PLS3: variants seen among roughly 807,000 people sequenced by gnomAD.
The protein encoded by PLS3 is plastin 3.
PLS3 carries 11 observed loss-of-function variants against 46.5 expected under a neutral mutation model. The observed-to-expected ratio is 0.24, with a 90% CI of 0.15 to 0.39. The LOEUF is 0.39. PLS3 is among the 10% of genes least tolerant of loss of function. The probability of loss-of-function intolerance (pLI) is 1.00; values close to 1 mark genes in which losing one functional copy is unlikely to be tolerated. For missense variants in PLS3, 308 were observed against 461.8 expected (o/e 0.67, Z 3.05); for synonymous variants, 167 against 162.2 (o/e 1.03, Z -0.22).
At chrX:115,630,112 C>G (rs2074749615) in intron 5 of PLS3, 145 bp downstream of exon 5, 1 of 421,807 alleles carries the variant, frequency 2.4e-6, no homozygotes, top group African/African-American at 2.5e-5. Flanking sequence ...TTCATTTAAT[C>G]TCTAGGTCTG....
intron 1 of PLS3, among the ~76,000 whole-genome samples, chrX:115,585,613 A>G (rs991548139): frequency 9.0e-6 from 1 of 110,626 alleles, no homozygotes; most frequent in African/African-American, 3.3e-5. Context: ...GCTGATCTCA[A>G]ACTCCTGACC....
intron 1 of PLS3, among the ~76,000 whole-genome samples, chrX:115,601,101 C>G (rs1425724069): frequency 1.8e-5 from 2 of 110,165 alleles, no homozygotes; most frequent in African/African-American, 6.6e-5. Context: ...AAGATACTTC[C>G]TGAAATAGGC....
chrX:115,609,703 A>T (rs913021414), intron 1 of PLS3, among the ~76,000 whole-genome samples: 6 of 112,568 alleles, frequency 5.3e-5, no homozygotes, highest in African/African-American at 1.9e-4. Flanking sequence ...CATGCATAAG[A>T]ATGTGTATAT....
At chrX:115,629,085 T>C (rs1556638851) in intron 3 of PLS3, 113 bp from the exon 4 acceptor site, 8 of 529,051 alleles carry the variant, frequency 1.5e-5, no homozygotes, top group Admixed American at 8.5e-5. Context: ...TTGTATCTTT[T>C]AACATCAGCT....
intron 2 of PLS3, among the ~76,000 whole-genome samples, chrX:115,619,631 A>G (rs781991811): frequency 1.9e-4 from 21 of 113,041 alleles, no homozygotes; most frequent in Non-Finnish European, 3.4e-4. Context: ...TCCTAGGGAA[A>G]TTAAGTGCTT....
chrX:115,625,430 A>C (rs781903438), intron 3 of PLS3, among the ~76,000 whole-genome samples: 1 of 110,586 alleles, frequency 9.0e-6, no homozygotes, highest in East Asian at 2.8e-4. Context: ...AAGCACTTCA[A>C]AACTAAAAAT....
At chrX:115,615,011 C>T (rs1336337463) in intron 2 of PLS3, among the ~76,000 whole-genome samples, 4 of 110,956 alleles carry the variant, frequency 3.6e-5, no homozygotes, top group Non-Finnish European at 5.7e-5. Context: ...CAGATTTAGA[C>T]AGATTCAAGG....
rs377191528 is a variant in PLS3 at position 115,647,636 on chromosome X, G to A, written c.1598G>A (p.Ser533Asn). 3.3e-6 allele frequency: 4 copies of A among 1,204,702 alleles called. No individual in the cohort carries two copies. The highest frequency in any genetic ancestry group is 3.4e-6 in the Non-Finnish European group (3 of 890,621). The change falls in exon 14 of 16, where the codon AGT (serine) becomes AAT (asparagine). Residue 533 changes from serine to asparagine, a missense_variant. Physicochemically the swap from Ser to Asn is conservative, Grantham distance 46. This residue lies in a region of PLS3 where 271 missense variants were observed against 435.7 expected (regional missense o/e 0.62). Transcript: ENST00000355899. ...GTGAACTGGGTGAACAGAACGTTGA[G>A]TGAAGCTGGAAAATCAACTTCCATT... ...IIVNWVNRTL[S>N]EAGKSTSIQS...
At chrX:115,613,669 G>A (rs1180054001) in intron 2 of PLS3, among the ~76,000 whole-genome samples, 2 of 111,209 alleles carry the variant, frequency 1.8e-5, no homozygotes, top group African/African-American at 6.5e-5. Context: ...ACACATGTGT[G>A]GGTGCATGGG....
chrX:115,620,572 A>G (rs1242975016), intron 2 of PLS3, among the ~76,000 whole-genome samples: 2 of 110,524 alleles, frequency 1.8e-5, no homozygotes, highest in Non-Finnish European at 3.8e-5. Context: ...TATCCATTGT[A>G]AGATATTTAG....
chrX:115,630,003 A>G, intron 5 of PLS3, 36 bp downstream of exon 5: 2 of 1,040,031 alleles, frequency 1.9e-6, no homozygotes, highest in East Asian at 6.4e-5. Flanking sequence ...CAGATATCCA[A>G]AAATAGCCTT....
chrX:115,573,787 T>A (rs979257977), intron 1 of PLS3, among the ~76,000 whole-genome samples: 1 of 110,912 alleles, frequency 9.0e-6, no homozygotes, highest in Non-Finnish European at 1.9e-5. Flanking sequence ...CACTGCAACC[T>A]CCGCGTCCCA....
intron 1 of PLS3, among the ~76,000 whole-genome samples, chrX:115,605,219 G>T (rs781891765): frequency 8.9e-6 from 1 of 111,934 alleles, no homozygotes; most frequent in South Asian, 3.7e-4. Flanking sequence ...TTAAGGATAT[G>T]TGCATGTTCC....
chrX:115,629,976 T>A lies in PLS3; in HGVS notation c.500+9T>A, dbSNP rs375226680. 1.2e-5 allele frequency: 14 copies of A among 1,137,848 alleles called. No individual in the cohort carries two copies. In the African/African-American group the frequency reaches 2.4e-4, roughly 19 times the overall value. 93.8% of individuals were successfully genotyped at this position (1,137,848 alleles called of 1,213,427 possible). ...GATGGAATTGTGCTTTGGTAAGATGTTAGCTTGTTTTATATCCAGATATCC... is the reference window on the plus strand; with the variant it reads ...GATGGAATTGTGCTTTGGTAAGATGATAGCTTGTTTTATATCCAGATATCC... On this transcript the variant is annotated intron_variant, in intron 5 of 15. Transcript: ENST00000355899.
chrX:115,630,866 CATGT>C (rs1569528509), intron 5 of PLS3, among the ~76,000 whole-genome samples: 12 of 89,488 alleles, frequency 1.3e-4, no homozygotes, highest in African/African-American at 5.1e-4. Context: ...GTATATTATA[CATGT>C]ATATATGTAT....
At chrX:115,587,519 A>G (rs1856548096) in intron 1 of PLS3, among the ~76,000 whole-genome samples, 1 of 111,676 alleles carries the variant, frequency 9.0e-6, no homozygotes, top group African/African-American at 3.3e-5. Flanking sequence ...GCAGATCACG[A>G]GGTCAGGAGA....
intron 2 of PLS3, among the ~76,000 whole-genome samples, chrX:115,611,859 G>C (rs782277936): frequency 8.9e-6 from 1 of 111,855 alleles, no homozygotes; most frequent in South Asian, 3.7e-4. Flanking sequence ...GAGTTAAATT[G>C]TATTAAGTAA....
chrX:115,598,235 G>A (rs2074408042), intron 1 of PLS3, among the ~76,000 whole-genome samples: 1 of 107,973 alleles, frequency 9.3e-6, no homozygotes, highest in Admixed American at 1.0e-4. Flanking sequence ...AGGAGTTGGA[G>A]GCTTCAGTTA....
At chrX:115,644,609 A>AATAC (rs1308341648) in intron 10 of PLS3, among the ~76,000 whole-genome samples, 2 of 108,420 alleles carry the variant, frequency 1.8e-5, no homozygotes, top group Non-Finnish European at 1.9e-5. Context: ...AAAATAAATA[A>AATAC]ATAAATAAAT....
Sources: gnomAD v4.1 joint callset for allele counts (sites outside exome capture counted in the v4.1 genomes callset) on GRCh38, gnomAD v4.1.1 for gene constraint, gnomAD v4.1.1 regional missense constraint, MANE v1.5 for transcripts, NCBI Gene and HGNC (gene_info 2026-07-23, HGNC 2026-07-21) for gene names.